PHACTR2: variants seen among roughly 807,000 people sequenced by gnomAD.
The protein encoded by PHACTR2 is phosphatase and actin regulator 2.
Under a neutral mutation model 76.0 loss-of-function variants are expected in PHACTR2, and 30 were observed. The observed-to-expected ratio is 0.39, with a 90% CI of 0.30 to 0.54. The LOEUF is 0.54. Among genes scored for constraint, PHACTR2 ranks in the 20% least tolerant of loss-of-function variants. The pLI is 0.61. For missense variants in PHACTR2, 696 were observed against 781.1 expected (o/e 0.89, Z 1.30); for synonymous variants, 292 against 292.5 (o/e 1.00, Z 0.02).
At chr6:143,628,282 T>C (rs907407689) in intron 1 of PHACTR2, among the ~76,000 whole-genome samples, 1 of 152,218 alleles carries the variant, frequency 6.6e-6, no homozygotes, top group African/African-American at 2.4e-5. Context: ...CTGCATTAGT[T>C]TCCTATTGTT....
In PHACTR2 at chr6:143,581,417, C is replaced by T. The variant is rs115908771; in HGVS notation, c.217+44210C>T. 0.012 allele frequency among the ~76,000 whole-genome samples: 1,837 copies of T among 152,084 alleles called. 39 individuals carry two copies. The highest frequency in any genetic ancestry group is 0.039 in the African/African-American group (1,632 of 41,494). On this transcript the variant is annotated intron_variant, in intron 1 of 11. Coordinates refer to the PHACTR2 transcript ENST00000367584. The surrounding 1 kb of genome is among the most constrained non-coding windows in gnomAD (Gnocchi z 4.5). Reference sequence around the variant, plus strand: ...GTGCTGGAAGAGCACAAGGAACCCACCAGTCAGGCATGATCTCGGAGAGGG... The same window carrying T: ...GTGCTGGAAGAGCACAAGGAACCCATCAGTCAGGCATGATCTCGGAGAGGG...
rs116381859 is a variant in PHACTR2 at position 143,654,774 on chromosome 6, C to T, written c.13+46452C>T. 1.9e-3 allele frequency among the ~76,000 whole-genome samples: 286 copies of T among 152,204 alleles called. 3 individuals are homozygous for T. The highest frequency in any genetic ancestry group is 6.5e-3 in the African/African-American group (269 of 41,532). On this transcript the variant is annotated intron_variant, in intron 1 of 11. Coordinates refer to the PHACTR2 transcript ENST00000305766. This position sits in a 1 kb window ranked among gnomAD's most constrained non-coding sequence, Gnocchi z 4.6. ...AGCAATGATCATGCCACCACACTCC[C>T]GCCTAGGTTGCAGAGCAAGACCTTG...
At chr6:143,607,567 G>A (rs945853436), upstream of PHACTR2, among the ~76,000 whole-genome samples, 1 of 145,208 alleles carries the variant, frequency 6.9e-6, no homozygotes, top group African/African-American at 2.5e-5. Context: ...GTGACATTCG[G>A]TGAAAATATT....
At chr6:143,676,459 C>T (rs1777246662), upstream of PHACTR2, among the ~76,000 whole-genome samples, 2 of 152,304 alleles carry the variant, frequency 1.3e-5, no homozygotes, top group South Asian at 2.1e-4. The surrounding 1 kb of genome is among the most constrained non-coding windows in gnomAD (Gnocchi z 4.8). Context: ...TATATTTCCT[C>T]TGATCAGTGA....
chr6:143,726,440 C>T (rs900720128), intron 2 of PHACTR2, among the ~76,000 whole-genome samples: 1 of 149,996 alleles, frequency 6.7e-6, no homozygotes, highest in Non-Finnish European at 1.5e-5. Flanking sequence ...TCCTTTTTGC[C>T]CCCCCAGTAA....
At chr6:143,732,224 TCAC>T (rs1003876153) in intron 2 of PHACTR2, among the ~76,000 whole-genome samples, 2 of 152,250 alleles carry the variant, frequency 1.3e-5, no homozygotes, top group African/African-American at 4.8e-5. Flanking sequence ...TGTGAAACCA[TCAC>T]CACAATCAAT....
chr6:143,543,604 G>A lies in PHACTR2; in HGVS notation c.217+6397G>A, dbSNP rs1428493335. On this transcript the variant is annotated intron_variant, in intron 1 of 11. Coordinates refer to the PHACTR2 transcript ENST00000367584. The surrounding 1 kb of genome is among the most constrained non-coding windows in gnomAD (Gnocchi z 4.7). ...TATGCAAAAGGAGGAACTGAAAGAT[G>A]GAGTTGGGTTGGGGAGGAAGAGTGT... 6.6e-6 allele frequency among the ~76,000 whole-genome samples: 1 copy of A among 152,208 alleles called. No individual in the cohort carries two copies. Among genetic ancestry groups the A allele is most frequent in the African/African-American group, 2.4e-5 (1 of 41,440 alleles).
intron 11 of PHACTR2, among the ~76,000 whole-genome samples, chr6:143,790,829 A>G (rs867552918): frequency 2.7e-4 from 41 of 152,008 alleles, no homozygotes; most frequent in Admixed American, 1.0e-3. Context: ...GCCCGCCACC[A>G]CGCCCAGCTA....
intron 2 of PHACTR2, among the ~76,000 whole-genome samples, chr6:143,725,747 A>T (rs896553474): frequency 1.3e-5 from 2 of 150,596 alleles, no homozygotes; most frequent in African/African-American, 4.9e-5. Context: ...AATCACTTGA[A>T]CCCGGGAGGC....
chr6:143,594,789 C>A (rs1775729060), intron 1 of PHACTR2, among the ~76,000 whole-genome samples: 1 of 152,258 alleles, frequency 6.6e-6, no homozygotes, highest in Non-Finnish European at 1.5e-5. Flanking sequence ...GCCTGAGCTA[C>A]AGAGACTGGG....
At chr6:143,734,809 T>C (rs748186448) in intron 2 of PHACTR2, among the ~76,000 whole-genome samples, 19 of 152,170 alleles carry the variant, frequency 1.2e-4, no homozygotes, top group Non-Finnish European at 1.8e-4. Context: ...GGGTGGATAA[T>C]TTCCTAATTT....
At position 143,794,306 on chromosome 6, in the gene PHACTR2, A is replaced by G. The variant is rs1775779445; in HGVS notation, c.1845+5396A>G. On this transcript the variant is annotated intron_variant, in intron 11 of 12. Transcript: ENST00000440869. The surrounding 1 kb of genome is among the most constrained non-coding windows in gnomAD (Gnocchi z 4.1). ...GCATTTCTGGTTTTTGTTGCTTTTTACCTTAAAACATTTTATAATATATTA... is the reference window on the plus strand; with the variant it reads ...GCATTTCTGGTTTTTGTTGCTTTTTGCCTTAAAACATTTTATAATATATTA... 6.6e-6 allele frequency among the ~76,000 whole-genome samples: 1 copy of G among 150,884 alleles called. No individual in the cohort carries two copies. Among genetic ancestry groups the G allele is most frequent in the Non-Finnish European group, 1.5e-5 (1 of 67,726 alleles).
rs1347405994 is a variant in PHACTR2, at chr6:143,658,119, T to A, written c.13+49797T>A. 6.6e-6 allele frequency among the ~76,000 whole-genome samples: 1 copy of A among 152,216 alleles called. No individual in the cohort carries two copies. The highest frequency in any genetic ancestry group is 2.4e-5 in the African/African-American group (1 of 41,458). On this transcript the variant is annotated intron_variant, in intron 1 of 11. Transcript: ENST00000305766. The surrounding 1 kb of genome is among the most constrained non-coding windows in gnomAD (Gnocchi z 4.1). ...ATGAACATTCCTAAACTGGTCTTTTTATGGATATATGTTTTTATTTCTGCT... is the reference window on the plus strand; with the variant it reads ...ATGAACATTCCTAAACTGGTCTTTTAATGGATATATGTTTTTATTTCTGCT...
rs1251466948 is a variant in PHACTR2 at position 143,787,195 on chromosome 6, C to T, written c.1708-1578C>T. ...GCCGTAGGTGCAGGTCAGCCCGTAG[C>T]ACTGGTAGCTACCCCATGACTGGGA... On this transcript the variant is annotated intron_variant, in intron 10 of 12. Transcript: ENST00000440869. The surrounding 1 kb of genome is among the most constrained non-coding windows in gnomAD (Gnocchi z 4.6). Among the ~76,000 whole-genome samples the T allele has an allele frequency of 6.6e-6, 1 of 152,234 alleles. No homozygotes were observed. Among genetic ancestry groups the T allele is most frequent in the Non-Finnish European group, 1.5e-5 (1 of 68,042 alleles).
At chr6:143,563,063 G>A (rs919176400) in intron 1 of PHACTR2, among the ~76,000 whole-genome samples, 3 of 152,136 alleles carry the variant, frequency 2.0e-5, no homozygotes, top group Non-Finnish European at 4.4e-5. Context: ...GTGAATGTAC[G>A]TAATGCCACT....
At chr6:143,555,908 C>A (rs935012210) in intron 1 of PHACTR2, among the ~76,000 whole-genome samples, 1 of 149,616 alleles carries the variant, frequency 6.7e-6, no homozygotes, top group African/African-American at 2.5e-5. Flanking sequence ...GAATTTAGGG[C>A]ACTATGACAT....
rs1775766927 is a variant in PHACTR2, at chr6:143,597,442, A to C, written c.217+60235A>C. On this transcript the variant is annotated intron_variant, in intron 1 of 11. Transcript: ENST00000367584. This position sits in a 1 kb window ranked among gnomAD's most constrained non-coding sequence, Gnocchi z 5.7. ...CATCCTCTACCCACAGACCATCCTAAAAATAAAGTGAAATCCCTACTCTCT... is the reference window on the plus strand; with the variant it reads ...CATCCTCTACCCACAGACCATCCTACAAATAAAGTGAAATCCCTACTCTCT... Among the ~76,000 whole-genome samples the C allele has an allele frequency of 1.3e-5, 2 of 152,218 alleles. No homozygotes were observed. Among genetic ancestry groups the C allele is most frequent in the African/African-American group, 4.8e-5 (2 of 41,446 alleles).
chr6:143,750,540 T>C lies in PHACTR2; in HGVS notation c.295+1475T>C, dbSNP rs1582839815. On this transcript the variant is annotated intron_variant, in intron 3 of 12. Transcript: ENST00000440869. The surrounding 1 kb of genome is among the most constrained non-coding windows in gnomAD (Gnocchi z 4.6). ...AGAAAGTACAAAATGGAAAATTTTA[T>C]GATTGAAACTGTTAATGGGTTTAAA... Among the ~76,000 whole-genome samples, 1 of 152,248 alleles carries C rather than the reference T, an allele frequency of 6.6e-6. No individual in the cohort carries two copies. The highest frequency in any genetic ancestry group is 2.4e-5 in the African/African-American group (1 of 41,472).
rs1220346708 is a variant in PHACTR2 at position 143,611,908 on chromosome 6, G to A, written c.13+3586G>A. ...TCAGCAGAGCACGACGAGTGGATAT[G>A]GAGGCAGGGAGAACTGCAGCAGTCA... On this transcript the variant is annotated intron_variant, in intron 1 of 11. Coordinates refer to the PHACTR2 transcript ENST00000305766. The surrounding 1 kb of genome is among the most constrained non-coding windows in gnomAD (Gnocchi z 4.4). 2.0e-5 allele frequency among the ~76,000 whole-genome samples: 3 copies of A among 152,174 alleles called. No individual in the cohort carries two copies. The highest frequency in any genetic ancestry group is 2.0e-4 in the Admixed American group (3 of 15,278).
Sources: gnomAD v4.1 joint callset for allele counts (sites outside exome capture counted in the v4.1 genomes callset) on GRCh38, gnomAD v4.1.1 for gene constraint, Gnocchi (gnomAD v3.1) non-coding constraint, MANE v1.5 for transcripts, NCBI Gene and HGNC (gene_info 2026-07-23, HGNC 2026-07-21) for gene names.